Variants in PDE1C observed in about 807,000 individuals in gnomAD.
PDE1C encodes the protein phosphodiesterase 1C, also known as dual specificity calcium/calmodulin-dependent 3',5'-cyclic nucleotide phosphodiesterase 1C.
Under a neutral mutation model 93.1 loss-of-function variants are expected in PDE1C, and 62 were observed. The ratio of observed to expected loss-of-function variants is 0.67; its 90% confidence interval spans 0.54 to 0.82. The LOEUF (loss-of-function observed/expected upper bound fraction) is 0.82, where lower values mean the gene tolerates loss of function less well. PDE1C is among the 40% of genes least tolerant of loss of function. PDE1C has a pLI of 0.00. For missense variants in PDE1C, 742 were observed against 884.6 expected (o/e 0.84, Z 2.04); for synonymous variants, 325 against 310.1 (o/e 1.05, Z -0.50).
Position 31,769,854 on chromosome 7 carries a change from T to G in PDE1C, c.1960+5810A>C, listed in dbSNP as rs1307156108. On this transcript the variant is annotated intron_variant, in intron 17 of 17. Transcript: ENST00000396191. Reference sequence around the variant, plus strand: ...TGGGTATTTTATGTAAATGGAATAATACAATATGTGACCTTTTGTGTCTGG... The same window carrying G: ...TGGGTATTTTATGTAAATGGAATAAGACAATATGTGACCTTTTGTGTCTGG... Among the ~76,000 whole-genome samples the G allele has an allele frequency of 5.3e-5, 8 of 152,358 alleles. No homozygotes were observed. In the East Asian group the frequency reaches 1.5e-3, roughly 29 times the overall value.
intron 2 of PDE1C, among the ~76,000 whole-genome samples, chr7:32,027,016 G>C (rs1563214835): frequency 6.6e-6 from 1 of 152,116 alleles, no homozygotes; most frequent in Non-Finnish European, 1.5e-5. Context: ...TTTGGAGGAG[G>C]AAAAGTTGAA....
intron 3 of PDE1C, among the ~76,000 whole-genome samples, chr7:32,090,767 T>C (rs1327761831): frequency 6.6e-6 from 1 of 152,166 alleles, no homozygotes; most frequent in Admixed American, 6.5e-5. Flanking sequence ...GATTTGCATA[T>C]ATTTTAGGAG....
intron 2 of PDE1C, among the ~76,000 whole-genome samples, chr7:31,967,296 G>A (rs1477861179): frequency 2.6e-5 from 4 of 152,200 alleles, no homozygotes; most frequent in South Asian, 2.1e-4. Context: ...CAATCCCACA[G>A]AAATACAAAC....
chr7:32,281,791 A>T (rs1010291257), intron 1 of PDE1C, among the ~76,000 whole-genome samples: 1 of 152,212 alleles, frequency 6.6e-6, no homozygotes, highest in African/African-American at 2.4e-5. Context: ...CATCAATGAT[A>T]GACTGGATTA....
intron 3 of PDE1C, among the ~76,000 whole-genome samples, chr7:32,139,845 C>A (rs946434609): frequency 3.9e-5 from 6 of 152,136 alleles, no homozygotes; most frequent in African/African-American, 1.4e-4. Context: ...TCTGCCAGAG[C>A]TGTCATCTAT....
intron 1 of PDE1C, among the ~76,000 whole-genome samples, chr7:32,363,667 G>A (rs781126081): frequency 1.3e-5 from 2 of 152,160 alleles, no homozygotes; most frequent in Non-Finnish European, 2.9e-5. Context: ...ATTTAAATGA[G>A]TACTTCTAAA....
At chr7:31,663,804 T>C in the PDE1C span, among the ~76,000 whole-genome samples, 2 of 152,208 alleles carry the variant, frequency 1.3e-5, no homozygotes, top group Admixed American at 6.5e-5. Context: ...GTTCTTTATA[T>C]GCATAATTTA....
chr7:31,740,663 A>T, the PDE1C span, among the ~76,000 whole-genome samples: 1 of 152,200 alleles, frequency 6.6e-6, no homozygotes, highest in East Asian at 1.9e-4. Context: ...ATTTATGTGA[A>T]CTAGTTTTCT....
Position 31,844,972 on chromosome 7 carries a change from T to C in PDE1C, c.980+2996A>G, listed in dbSNP as rs888089734. Among the ~76,000 whole-genome samples the C allele has an allele frequency of 3.2e-4, 48 of 152,148 alleles. 2 individuals are homozygous for C. The stretch of plus-strand genomic sequence containing the variant: ...TGTAGCAAATTCTAAATGTAGACAT[T>C]TTATTTTTCAGTTCTAAACTTTGTT... On this transcript the variant is annotated intron_variant, in intron 9 of 17. Coordinates refer to ENST00000396191, the MANE Select transcript of PDE1C (RefSeq NM_001191057.4).
intron 3 of PDE1C, 132 bp from the exon 4 acceptor site, chr7:31,879,310 A>C: frequency 1.2e-6 from 1 of 819,488 alleles, no homozygotes. Flanking sequence ...GGCCACAAAA[A>C]ATACAGTGCC....
intron 3 of PDE1C, among the ~76,000 whole-genome samples, chr7:32,079,764 C>T (rs893392588): frequency 2.6e-5 from 4 of 152,178 alleles, no homozygotes; most frequent in Admixed American, 1.3e-4. Context: ...GAGGCAGGAG[C>T]GGCCAGTCCT....
chr7:31,701,793 A>G, the PDE1C span, among the ~76,000 whole-genome samples: 1 of 152,240 alleles, frequency 6.6e-6, no homozygotes, highest in South Asian at 2.1e-4. Flanking sequence ...TCAGATAATC[A>G]TTAGCAATTT....
At chr7:31,865,513 C>T (rs1562941108) in intron 6 of PDE1C, among the ~76,000 whole-genome samples, 1 of 152,066 alleles carries the variant, frequency 6.6e-6, no homozygotes, top group African/African-American at 2.4e-5. Context: ...CATAGGACAC[C>T]AAACAATGTT....
chr7:32,150,504 C>T (rs1159915016), intron 3 of PDE1C, among the ~76,000 whole-genome samples: 2 of 152,160 alleles, frequency 1.3e-5, no homozygotes, highest in East Asian at 3.9e-4. Flanking sequence ...CAGAATCTCA[C>T]ACCTTCCTGA....
chr7:32,217,246 T>C (rs1015123521), intron 1 of PDE1C, among the ~76,000 whole-genome samples: 6 of 152,208 alleles, frequency 3.9e-5, no homozygotes, highest in African/African-American at 1.4e-4. Context: ...AAACAGCCCC[T>C]ATGAGGCAAA....
intron 1 of PDE1C, among the ~76,000 whole-genome samples, chr7:32,057,256 A>G (rs545752164): frequency 6.6e-6 from 1 of 152,322 alleles, no homozygotes; most frequent in Admixed American, 6.5e-5. Context: ...CTCATGTGCT[A>G]TGGCTAGAAT....
intron 2 of PDE1C, among the ~76,000 whole-genome samples, chr7:32,044,815 T>C (rs1455485124): frequency 6.6e-6 from 1 of 152,084 alleles, no homozygotes; most frequent in Non-Finnish European, 1.5e-5. Context: ...TTATCAGACA[T>C]AAGGAAGATG....
chr7:32,171,906 T>A (rs886884156), intron 2 of PDE1C, among the ~76,000 whole-genome samples: 1 of 146,450 alleles, frequency 6.8e-6, no homozygotes, highest in Non-Finnish European at 1.5e-5. Context: ...CTAGATGGGA[T>A]TGTGGAACAG....
At chr7:31,774,479 T>A (rs1035394529) in intron 17 of PDE1C, among the ~76,000 whole-genome samples, 7 of 152,222 alleles carry the variant, frequency 4.6e-5, no homozygotes, top group South Asian at 2.1e-4. Context: ...TAATAATGTG[T>A]CAGGAACCTA....
Sources: gnomAD v4.1 joint callset for allele counts (sites outside exome capture counted in the v4.1 genomes callset) on GRCh38, gnomAD v4.1.1 for gene constraint, MANE v1.5 for transcripts, NCBI Gene and HGNC (gene_info 2026-07-23, HGNC 2026-07-21) for gene names.